The following ARL15 variants were observed in gnomAD, a reference collection of about 807,000 sequenced individuals.
The protein encoded by ARL15 is ADP-ribosylation factor-like protein 15.
Under a neutral mutation model 25.2 loss-of-function variants are expected in ARL15, and 19 were observed. The observed-to-expected ratio is 0.75, with a 90% CI of 0.53 to 1.10. The LOEUF (loss-of-function observed/expected upper bound fraction) is 1.10, where lower values mean the gene tolerates loss of function less well. ARL15 is among the 50% of genes least tolerant of loss of function. ARL15 has a pLI of 0.00. For missense variants in ARL15, 220 were observed against 246.0 expected (o/e 0.89, Z 0.71); for synonymous variants, 94 against 86.8 (o/e 1.08, Z -0.46).
chr5:53,944,389 T>C (rs941636069), intron 4 of ARL15, among the ~76,000 whole-genome samples: 2 of 152,056 alleles, frequency 1.3e-5, no homozygotes, highest in Non-Finnish European at 2.9e-5. Flanking sequence ...GGCAGGAGGA[T>C]CGTTTGAGCC....
intron 1 of ARL15, among the ~76,000 whole-genome samples, chr5:54,173,532 C>A (rs989263481): frequency 3.3e-5 from 5 of 152,118 alleles, no homozygotes; most frequent in African/African-American, 1.2e-4. Context: ...TTGATTATTT[C>A]TCTCCCTCAT....
At chr5:53,939,697 T>C (rs766006674) in intron 4 of ARL15, among the ~76,000 whole-genome samples, 14 of 151,504 alleles carry the variant, frequency 9.2e-5, no homozygotes, top group Non-Finnish European at 1.6e-4. Context: ...ATCCCGCTAC[T>C]GCACTCCAGC....
At chr5:54,266,698 T>A (rs1425603845) in intron 1 of ARL15, among the ~76,000 whole-genome samples, 1 of 152,162 alleles carries the variant, frequency 6.6e-6, no homozygotes, top group African/African-American at 2.4e-5. Flanking sequence ...AGTCAATTAA[T>A]CTAAAGAACA....
chr5:53,995,461 CAG>C (rs1004783858), intron 4 of ARL15, among the ~76,000 whole-genome samples: 9 of 151,778 alleles, frequency 5.9e-5, no homozygotes, highest in African/African-American at 2.2e-4. Flanking sequence ...ATGTATAAAA[CAG>C]AAATATGTTT....
At chr5:54,099,364 A>G (rs1219150926) in intron 4 of ARL15, among the ~76,000 whole-genome samples, 2 of 152,128 alleles carry the variant, frequency 1.3e-5, no homozygotes, top group South Asian at 2.1e-4. Flanking sequence ...AACTAGAGAG[A>G]AAAGTACATT....
chr5:54,112,115 G>C (rs1349152093), intron 4 of ARL15, among the ~76,000 whole-genome samples: 3 of 151,964 alleles, frequency 2.0e-5, no homozygotes, highest in Admixed American at 1.3e-4. Context: ...ATGGGTCCTT[G>C]CCTTTCTTTT....
intron 1 of ARL15, among the ~76,000 whole-genome samples, chr5:54,199,299 G>T (rs1755645923): frequency 6.6e-6 from 1 of 152,038 alleles, no homozygotes; most frequent in Non-Finnish European, 1.5e-5. Context: ...TGACAAATGG[G>T]ATATAATTAA....
intron 1 of ARL15, among the ~76,000 whole-genome samples, chr5:54,204,471 C>T (rs956818843): frequency 1.3e-5 from 2 of 152,156 alleles, no homozygotes; most frequent in African/African-American, 4.8e-5. Flanking sequence ...CACACTGCTT[C>T]GAATTGCTCA....
chr5:54,279,124 C>T (rs1757991837), intron 1 of ARL15, among the ~76,000 whole-genome samples: 1 of 152,134 alleles, frequency 6.6e-6, no homozygotes, highest in South Asian at 2.1e-4. Context: ...AAAAGCTAAC[C>T]CATAATCTTT....
At chr5:54,123,106 A>G (rs2112249757) in intron 3 of ARL15, among the ~76,000 whole-genome samples, 1 of 150,508 alleles carries the variant, frequency 6.6e-6, no homozygotes, top group African/African-American at 2.4e-5. Context: ...TCTTCTTTTT[A>G]TATTCCTTTT....
rs574069700 is a variant in ARL15, at chr5:54,047,554, C to T, written c.462+65648G>A. ...GGACTCTGCTAGGGCATCGCTGTGGCCCGGAGGTAGAGTACTGACAGTGAC... is the reference window on the plus strand; with the variant it reads ...GGACTCTGCTAGGGCATCGCTGTGGTCCGGAGGTAGAGTACTGACAGTGAC... On this transcript the variant is annotated intron_variant, in intron 4 of 4. Coordinates refer to ENST00000504924, the MANE Select transcript of ARL15 (RefSeq NM_019087.3). Among the ~76,000 whole-genome samples, 7 of 152,256 alleles carry T rather than the reference C, an allele frequency of 4.6e-5. No homozygotes were observed. The South Asian group carries it at 1.0e-3, about 23-fold the overall frequency.
chr5:53,941,361 A>C (rs1290359605), intron 4 of ARL15, among the ~76,000 whole-genome samples: 2 of 152,176 alleles, frequency 1.3e-5, no homozygotes, highest in African/African-American at 4.8e-5. Flanking sequence ...TAATAAATAA[A>C]TTTCTATATC....
chr5:54,020,791 T>A (rs1243415953), intron 4 of ARL15, among the ~76,000 whole-genome samples: 9 of 147,820 alleles, frequency 6.1e-5, no homozygotes, highest in East Asian at 2.0e-4. Flanking sequence ...TAATAAAAAT[T>A]AAAAGAAAAA....
intron 1 of ARL15, among the ~76,000 whole-genome samples, chr5:54,268,570 GCT>G (rs1446050467): frequency 6.6e-6 from 1 of 152,078 alleles, no homozygotes; most frequent in Non-Finnish European, 1.5e-5. Context: ...CAGTTTTTCT[GCT>G]CTGTTTTTTC....
intron 1 of ARL15, among the ~76,000 whole-genome samples, chr5:54,232,854 G>A (rs373578574): frequency 1.2e-3 from 187 of 152,190 alleles, no homozygotes; most frequent in African/African-American, 4.3e-3. Context: ...GTTTGCAATG[G>A]CTTCACAACA....
chr5:54,079,709 C>T (rs1751727265), intron 4 of ARL15, among the ~76,000 whole-genome samples: 2 of 152,088 alleles, frequency 1.3e-5, no homozygotes, highest in African/African-American at 4.8e-5. Flanking sequence ...GTGGCTCACG[C>T]CTGTAATCCC....
At chr5:54,119,146 G>A (rs1354840384) in intron 3 of ARL15, among the ~76,000 whole-genome samples, 1 of 152,124 alleles carries the variant, frequency 6.6e-6, no homozygotes, top group East Asian at 1.9e-4. Context: ...CACAGCTCCA[G>A]TTAAATTACT....
At chr5:54,296,926 A>G (rs1416395024) in intron 1 of ARL15, among the ~76,000 whole-genome samples, 1 of 152,236 alleles carries the variant, frequency 6.6e-6, no homozygotes. Flanking sequence ...GAAAGGCTGG[A>G]GAGGGCAGGT....
intron 1 of ARL15, among the ~76,000 whole-genome samples, chr5:54,257,918 C>T (rs1439504688): frequency 1.3e-5 from 2 of 152,034 alleles, no homozygotes; most frequent in Admixed American, 6.6e-5. Flanking sequence ...ACAAAAACAC[C>T]TTGTATTTGC....
Sources: allele counts gnomAD v4.1 joint callset (sites outside exome capture counted in the v4.1 genomes callset), GRCh38; gene constraint gnomAD v4.1.1; transcripts MANE v1.5; gene names NCBI Gene and HGNC (gene_info 2026-07-23, HGNC 2026-07-21).